The following MPHOSPH9 variants were observed in gnomAD, a reference collection of about 807,000 sequenced individuals.
The protein encoded by MPHOSPH9 is M-phase phosphoprotein 9.
MPHOSPH9 carries 88 observed loss-of-function variants against 145.5 expected under a neutral mutation model. The observed-to-expected ratio is 0.60, with a 90% CI of 0.51 to 0.72. The LOEUF is 0.72. Among genes scored for constraint, MPHOSPH9 ranks in the 30% least tolerant of loss-of-function variants. The pLI is 0.00. For synonymous variants in MPHOSPH9, 435 were observed against 486.2 expected, an observed-to-expected ratio of 0.89 and a Z score of 1.39; for missense variants, 1,238 against 1,386.6, an observed-to-expected ratio of 0.89 and a Z score of 1.70.
intron 16 of MPHOSPH9, among the ~76,000 whole-genome samples, chr12:123,172,222 C>T (rs2044614244): frequency 1.3e-5 from 2 of 152,186 alleles, no homozygotes; most frequent in Admixed American, 1.3e-4. Context: ...GTTGCAACTA[C>T]TCCACTTTGC....
At chr12:123,157,001 G>A in intron 23 of MPHOSPH9, 93 bp from the exon 24 acceptor site, 2 of 766,150 alleles carry the variant, frequency 2.6e-6, no homozygotes, top group Non-Finnish European at 4.1e-6. Context: ...AAAAGAGCAA[G>A]TATAAACACT....
intron 16 of MPHOSPH9, among the ~76,000 whole-genome samples, chr12:123,169,086 A>G (rs536043268): frequency 4.2e-4 from 63 of 151,452 alleles, no homozygotes; most frequent in South Asian, 1.0e-3. Context: ...GGGTTTCACC[A>G]TGTTATTAGC....
At chr12:123,226,314 T>G in intron 3 of MPHOSPH9, 1 of 1,158,590 alleles carries the variant, frequency 8.6e-7, no homozygotes, top group Non-Finnish European at 1.1e-6. Context: ...TATCGAATTC[T>G]TAAACCAGGT....
At chr12:123,177,531 G>A (rs1296259650) in intron 15 of MPHOSPH9, among the ~76,000 whole-genome samples, 2 of 150,910 alleles carry the variant, frequency 1.3e-5, no homozygotes, top group South Asian at 2.1e-4. Context: ...GCAAGACTTT[G>A]TCTCAAAAAA....
intron 6 of MPHOSPH9, among the ~76,000 whole-genome samples, chr12:123,215,210 C>T (rs1399351888): frequency 6.6e-6 from 1 of 151,946 alleles, no homozygotes; most frequent in African/African-American, 2.4e-5. Flanking sequence ...CCACTGCACT[C>T]TAGCCTGGGC....
chr12:123,237,041 C>A (rs1395994214), upstream of MPHOSPH9, among the ~76,000 whole-genome samples: 1 of 151,712 alleles, frequency 6.6e-6, no homozygotes, highest in African/African-American at 2.4e-5. Flanking sequence ...GCTGAGATTG[C>A]GCCACTGCAG....
chr12:123,243,897 C>T (rs1465959002), exon 1 of MPHOSPH9: 1 of 152,194 alleles, frequency 6.6e-6, no homozygotes, highest in Non-Finnish European at 1.5e-5. Flanking sequence ...GCTTCCTCCT[C>T]AGTGGGTATC....
upstream of MPHOSPH9, among the ~76,000 whole-genome samples, chr12:123,237,042 G>A (rs1057457049): frequency 6.6e-6 from 1 of 151,876 alleles, no homozygotes; most frequent in Non-Finnish European, 1.5e-5. Context: ...CTGAGATTGC[G>A]CCACTGCAGT....
chr12:123,215,604 TACAA>T (rs898203904), intron 6 of MPHOSPH9, among the ~76,000 whole-genome samples: 2 of 152,184 alleles, frequency 1.3e-5, no homozygotes, highest in African/African-American at 4.8e-5. Context: ...ACTTCCTATA[TACAA>T]ACAATTGGTT....
At chr12:123,237,024 G>A (rs1314926142), upstream of MPHOSPH9, among the ~76,000 whole-genome samples, 1 of 152,148 alleles carries the variant, frequency 6.6e-6, no homozygotes. Context: ...GGCGGAGGTT[G>A]CAGTGAGCTG....
At chr12:123,189,431 C>T (rs1396717224) in intron 13 of MPHOSPH9, among the ~76,000 whole-genome samples, 1 of 152,108 alleles carries the variant, frequency 6.6e-6, no homozygotes, top group African/African-American at 2.4e-5. Context: ...GGCGCTTGCA[C>T]ACATTGGCAT....
At chr12:123,240,353 AAAAG>A (rs1361758144) in intron 1 of MPHOSPH9, among the ~76,000 whole-genome samples, 1 of 151,890 alleles carries the variant, frequency 6.6e-6, no homozygotes, top group African/African-American at 2.4e-5. Flanking sequence ...GTCTAAAAAA[AAAAG>A]AAGAAGAAAT....
upstream of MPHOSPH9, among the ~76,000 whole-genome samples, chr12:123,234,333 G>A (rs1293271886): frequency 1.3e-5 from 2 of 149,118 alleles, no homozygotes; most frequent in South Asian, 2.1e-4. Flanking sequence ...GCCAGGAGGC[G>A]TTACATCTCA....
upstream of MPHOSPH9, among the ~76,000 whole-genome samples, chr12:123,237,855 T>C (rs1255594196): frequency 6.6e-6 from 1 of 151,992 alleles, no homozygotes; most frequent in Non-Finnish European, 1.5e-5. Flanking sequence ...GACAGGGAAA[T>C]GCTACTTTCT....
intron 1 of MPHOSPH9, among the ~76,000 whole-genome samples, chr12:123,231,550 G>A (rs554007567): frequency 6.6e-6 from 1 of 152,140 alleles, no homozygotes; most frequent in South Asian, 2.1e-4. Context: ...GGGCACACTG[G>A]AGCCTGCCTG....
intron 1 of MPHOSPH9, among the ~76,000 whole-genome samples, chr12:123,242,547 G>A (rs1336325581): frequency 6.6e-6 from 1 of 152,140 alleles, no homozygotes; most frequent in Non-Finnish European, 1.5e-5. Flanking sequence ...TTGGAGTAGG[G>A]CCAAAGCTCC....
chr12:123,192,943 G>A (rs1221034271), intron 13 of MPHOSPH9, among the ~76,000 whole-genome samples: 10 of 150,976 alleles, frequency 6.6e-5, no homozygotes, highest in Admixed American at 4.6e-4. Context: ...CTGGTGGCAC[G>A]CGCCTGTACT....
chr12:123,170,175 C>A (rs1160806108), intron 16 of MPHOSPH9, among the ~76,000 whole-genome samples: 1 of 151,582 alleles, frequency 6.6e-6, no homozygotes, highest in Non-Finnish European at 1.5e-5. Flanking sequence ...CAGAGTCTCG[C>A]TCTGTCACCC....
intron 1 of MPHOSPH9, 165 bp downstream of exon 1, chr12:123,232,910 A>C (rs1254743245): frequency 1.3e-5 from 2 of 152,194 alleles, no homozygotes; most frequent in African/African-American, 2.4e-5. Context: ...GGCCGGGCAG[A>C]GCTCCCACAC....
Sources: allele counts gnomAD v4.1 joint callset (sites outside exome capture counted in the v4.1 genomes callset), GRCh38; gene constraint gnomAD v4.1.1; transcripts MANE v1.5; gene names NCBI Gene and HGNC (gene_info 2026-07-23, HGNC 2026-07-21).